RAB31: variants seen among roughly 807,000 people sequenced by gnomAD.
The protein encoded by RAB31 is ras-related protein Rab-31.
A neutral mutation model predicts 25.6 loss-of-function variants in RAB31; 21 were observed. That is an observed-to-expected ratio of 0.82 (90% CI 0.58 to 1.18). The LOEUF (loss-of-function observed/expected upper bound fraction) is 1.18. Ranked by LOEUF, RAB31 falls within the 50% of genes most tolerant of loss-of-function variation. The pLI is 0.00. For synonymous variants in RAB31, 87 were observed against 84.0 expected, an observed-to-expected ratio of 1.04 and a Z score of -0.20; for missense variants, 196 against 250.1, an observed-to-expected ratio of 0.78 and a Z score of 1.46.
At chr18:9,820,185 A>T (rs1397235635) in intron 5 of RAB31, among the ~76,000 whole-genome samples, 1 of 152,066 alleles carries the variant, frequency 6.6e-6, no homozygotes, top group Non-Finnish European at 1.5e-5. Context: ...CTGGTTTTAC[A>T]TATATGTTTT....
intron 1 of RAB31, among the ~76,000 whole-genome samples, chr18:9,748,917 A>G (rs1162250836): frequency 6.6e-6 from 1 of 152,062 alleles, no homozygotes; most frequent in African/African-American, 2.4e-5. Context: ...AAAAATAAAT[A>G]TAAGAAATGT....
chr18:9,730,726 A>G (rs6506683), intron 1 of RAB31, among the ~76,000 whole-genome samples: 39,440 of 152,112 alleles, frequency 0.26, 6,309 homozygotes, highest in African/African-American at 0.44. Flanking sequence ...AAGATATCAA[A>G]GGGTTTGGTG....
At chr18:9,846,743 A>G (rs1006039445) in intron 6 of RAB31, among the ~76,000 whole-genome samples, 1 of 152,178 alleles carries the variant, frequency 6.6e-6, no homozygotes, top group African/African-American at 2.4e-5. Flanking sequence ...TGAGTGCATT[A>G]CTTTAGACTC....
Position 9,792,172 on chromosome 18 carries a change from A to T in RAB31, c.138A>T (p.Lys46Asn). The T allele has an allele frequency of 6.2e-7, 1 of 1,611,810 alleles. No individual in the cohort carries two copies. Among genetic ancestry groups the T allele is most frequent in the Non-Finnish European group, 8.5e-7 (1 of 1,178,890 alleles). Residue 46 changes from lysine (K) to asparagine (N), a missense_variant, in exon 3 of 7, where the codon AAA becomes AAT. Coordinates refer to ENST00000578921, the MANE Select transcript of RAB31 (RefSeq NM_006868.4). ...SPTIGASFMT[K>N]TVPCGNELHK... ...TTTTCAGGGCATCTTTTATGACCAA[A>T]ACTGTGCCTTGTGGAAATGAACTTC...
chr18:9,845,376 T>C (rs1348452279), intron 5 of RAB31, among the ~76,000 whole-genome samples: 1 of 152,244 alleles, frequency 6.6e-6, no homozygotes, highest in Non-Finnish European at 1.5e-5. Context: ...TATATATGCA[T>C]ATCTTCTCTT....
intron 1 of RAB31, chr18:9,774,937 A>G (rs1403908201): frequency 1.9e-6 from 1 of 526,316 alleles, no homozygotes; most frequent in Non-Finnish European, 3.8e-6. Flanking sequence ...ACAATGTGGT[A>G]TGTTCACGTA....
At chr18:9,826,038 C>A (rs2068648086) in intron 5 of RAB31, among the ~76,000 whole-genome samples, 1 of 152,064 alleles carries the variant, frequency 6.6e-6, no homozygotes, top group Admixed American at 6.6e-5. Context: ...CCCGCATACC[C>A]ATGTAACAAA....
intron 1 of RAB31, among the ~76,000 whole-genome samples, chr18:9,710,361 G>T (rs909840149): frequency 1.3e-5 from 2 of 152,208 alleles, no homozygotes; most frequent in Non-Finnish European, 2.9e-5. Flanking sequence ...GTGCCAATTA[G>T]CAAACCTGGG....
chr18:9,764,515 GAAGCCATCTC>G (rs1324053843), intron 1 of RAB31, among the ~76,000 whole-genome samples: 1 of 152,170 alleles, frequency 6.6e-6, no homozygotes. Context: ...AATTGAGGAT[GAAGCCATCTC>G]TCCTCCCCTT....
At chr18:9,715,469 T>C (rs2068039523) in intron 1 of RAB31, among the ~76,000 whole-genome samples, 1 of 151,250 alleles carries the variant, frequency 6.6e-6, no homozygotes, top group Non-Finnish European at 1.5e-5. Flanking sequence ...GGACTATGAA[T>C]GTCCCCTAGA....
intron 1 of RAB31, among the ~76,000 whole-genome samples, chr18:9,752,955 AAACTT>A (rs781447467): frequency 1.3e-5 from 2 of 152,234 alleles, no homozygotes; most frequent in Non-Finnish European, 2.9e-5. Flanking sequence ...GACTCCAAAA[AAACTT>A]AAAGAGATTT....
chr18:9,735,932 G>A (rs1246411305), intron 1 of RAB31, among the ~76,000 whole-genome samples: 2 of 152,132 alleles, frequency 1.3e-5, no homozygotes, highest in Admixed American at 1.3e-4. Context: ...GAACTCCTGA[G>A]TACAAGGGAT....
At chr18:9,852,188 G>A (rs1248658691) in intron 6 of RAB31, among the ~76,000 whole-genome samples, 1 of 152,040 alleles carries the variant, frequency 6.6e-6, no homozygotes, top group Non-Finnish European at 1.5e-5. Context: ...ATCCCATCCT[G>A]TGCTCACCAC....
intron 2 of RAB31, among the ~76,000 whole-genome samples, chr18:9,781,817 GC>G (rs2068406299): frequency 6.6e-6 from 1 of 152,228 alleles, no homozygotes; most frequent in South Asian, 2.1e-4. Flanking sequence ...AGTGACACAT[GC>G]AGTTTTCCTG....
intron 5 of RAB31, among the ~76,000 whole-genome samples, chr18:9,831,630 G>A (rs753543874): frequency 3.9e-5 from 6 of 152,230 alleles, no homozygotes; most frequent in Non-Finnish European, 7.3e-5. Flanking sequence ...TGGGCACGGC[G>A]CTGTGGCATG....
At chr18:9,783,184 A>G (rs756242590) in intron 2 of RAB31, among the ~76,000 whole-genome samples, 20 of 152,152 alleles carry the variant, frequency 1.3e-4, no homozygotes, top group Non-Finnish European at 2.8e-4. Flanking sequence ...CCATTTCCCT[A>G]TATGTCCCTA....
At chr18:9,857,427 G>A (rs2068821993) in intron 6 of RAB31, among the ~76,000 whole-genome samples, 1 of 151,952 alleles carries the variant, frequency 6.6e-6, no homozygotes, top group African/African-American at 2.4e-5. Flanking sequence ...AGTATTCCGT[G>A]CTATCAGTGT....
At chr18:9,777,838 T>G (rs1444215462) in intron 2 of RAB31, among the ~76,000 whole-genome samples, 1 of 145,640 alleles carries the variant, frequency 6.9e-6, no homozygotes, top group African/African-American at 2.6e-5. Flanking sequence ...CACTGCAACC[T>G]CCGCCTCCCG....
intron 5 of RAB31, among the ~76,000 whole-genome samples, chr18:9,839,830 C>A (rs2068723654): frequency 6.6e-6 from 1 of 152,202 alleles, no homozygotes; most frequent in African/African-American, 2.4e-5. Context: ...AGGCAGTCAC[C>A]TATCCTTCAT....
Sources: gnomAD v4.1 joint callset for allele counts (sites outside exome capture counted in the v4.1 genomes callset) on GRCh38, gnomAD v4.1.1 for gene constraint, MANE v1.5 for transcripts, NCBI Gene and HGNC (gene_info 2026-07-23, HGNC 2026-07-21) for gene names.